The following LRRIQ1 variants were observed in gnomAD, a reference collection of about 807,000 sequenced individuals.
LRRIQ1 encodes leucine-rich repeat- and IQ domain-containing protein 1.
In LRRIQ1, 210 loss-of-function variants were observed where a neutral mutation model predicts 211.9. The ratio of observed to expected loss-of-function variants is 0.99; its 90% confidence interval spans 0.89 to 1.11. The LOEUF (loss-of-function observed/expected upper bound fraction) is 1.11, where lower values mean the gene tolerates loss of function less well. LRRIQ1 is among the 50% of genes most tolerant of loss of function. The pLI is 0.00. For synonymous variants in LRRIQ1, 699 were observed against 650.1 expected, an observed-to-expected ratio of 1.08 and a Z score of -1.14; for missense variants, 2,136 against 1,939.5, an observed-to-expected ratio of 1.10 and a Z score of -1.90.
chr12:85,245,867 T>G (rs2137281401), downstream of LRRIQ1, among the ~76,000 whole-genome samples: 1 of 150,966 alleles, frequency 6.6e-6, no homozygotes, highest in East Asian at 1.9e-4. Context: ...GGTATTATAG[T>G]TACATATATA....
intron 18 of LRRIQ1, among the ~76,000 whole-genome samples, chr12:85,136,192 A>ACG (rs1308755636): frequency 1.3e-5 from 2 of 151,298 alleles, no homozygotes; most frequent in African/African-American, 2.4e-5. Context: ...GTGGGTGTGC[A>ACG]CACACATACG....
chr12:85,052,148 A>G, intron 6 of LRRIQ1, 29 bp from the exon 7 acceptor site: 1 of 1,124,390 alleles, frequency 8.9e-7, no homozygotes, highest in Non-Finnish European at 1.3e-6. Context: ...ATTTGAGTAT[A>G]GTCATATTTA....
chr12:85,172,666 C>G (rs1222576346), intron 24 of LRRIQ1, among the ~76,000 whole-genome samples: 1 of 152,014 alleles, frequency 6.6e-6, no homozygotes, highest in Non-Finnish European at 1.5e-5. Context: ...AGCAATAGAA[C>G]TTTTTAGGCT....
At chr12:85,125,468 G>C (rs12296412) in intron 17 of LRRIQ1, among the ~76,000 whole-genome samples, 3 of 151,826 alleles carry the variant, frequency 2.0e-5, no homozygotes, top group Non-Finnish European at 4.4e-5. Flanking sequence ...TTTACTTTTG[G>C]CCTCAGAGTC....
intron 23 of LRRIQ1, among the ~76,000 whole-genome samples, chr12:85,154,915 A>T (rs1890459610): frequency 6.6e-6 from 1 of 151,238 alleles, no homozygotes; most frequent in Admixed American, 6.6e-5. Context: ...CTATAGATCT[A>T]GCTTATGTAA....
intron 26 of LRRIQ1, among the ~76,000 whole-genome samples, chr12:85,235,252 A>G (rs1565920303): frequency 6.6e-6 from 1 of 152,220 alleles, no homozygotes; most frequent in Non-Finnish European, 1.5e-5. Flanking sequence ...ACAATTTTAT[A>G]TTTAATTGAC....
intron 24 of LRRIQ1, among the ~76,000 whole-genome samples, chr12:85,187,480 G>A (rs1892276996): frequency 1.3e-5 from 2 of 152,032 alleles, no homozygotes. Flanking sequence ...AATATAGGAT[G>A]TAAATCAGCA....
chr12:85,052,528 A>G (rs961202337), intron 7 of LRRIQ1, among the ~76,000 whole-genome samples: 1 of 152,108 alleles, frequency 6.6e-6, no homozygotes, highest in South Asian at 2.1e-4. Flanking sequence ...ATATTTCTTT[A>G]TGTTCAAAGA....
At chr12:85,095,050 C>G (rs566585491) in intron 11 of LRRIQ1, among the ~76,000 whole-genome samples, 4 of 152,234 alleles carry the variant, frequency 2.6e-5, no homozygotes, top group African/African-American at 9.6e-5. Flanking sequence ...GATGTAGAAT[C>G]ACATCATCAG....
At chr12:85,092,813 T>G (rs535873582) in intron 11 of LRRIQ1, among the ~76,000 whole-genome samples, 2 of 152,304 alleles carry the variant, frequency 1.3e-5, no homozygotes, top group African/African-American at 4.8e-5. Context: ...ACGGCATCAT[T>G]CTTAGAGACT....
intron 17 of LRRIQ1, among the ~76,000 whole-genome samples, chr12:85,127,470 A>G (rs1888447290): frequency 6.6e-6 from 1 of 152,166 alleles, no homozygotes; most frequent in African/African-American, 2.4e-5. Flanking sequence ...CGCTCTTGCC[A>G]AGTAAACATT....
At chr12:85,127,774 C>T (rs1888466592) in intron 17 of LRRIQ1, 58 bp from the exon 18 acceptor site, 6 of 1,454,110 alleles carry the variant, frequency 4.1e-6, no homozygotes, top group South Asian at 3.7e-5. Context: ...CTTTTATCTA[C>T]AACTCTGTAT....
At chr12:85,161,706 T>C (rs1233201960) in intron 24 of LRRIQ1, among the ~76,000 whole-genome samples, 2 of 152,150 alleles carry the variant, frequency 1.3e-5, no homozygotes, top group Admixed American at 6.5e-5. Context: ...TACTGAAGTA[T>C]GTAGGGGTAG....
Position 85,057,061 on chromosome 12 carries a change from C to A in LRRIQ1, c.2268C>A (p.Phe756Leu). Residue 756 changes from phenylalanine to leucine, a missense_variant, in exon 8 of 27, where the codon TTC (phenylalanine) becomes TTA (leucine). Transcript: ENST00000393217. The stretch of plus-strand genomic sequence containing the variant: ...CATTTAAACCTTGGCTTGAAATTTT[C>A]AAGCAAAATCAACAAAAGAAAATTG... The part of the protein sequence containing the change: ...IKSFKPWLEI[F>L]KQNQQKKIVR... The A allele has an allele frequency of 2.5e-6, 4 of 1,608,654 alleles. No homozygotes were observed. The highest frequency in any genetic ancestry group is 3.3e-4 in the Middle Eastern group (2 of 6,040).
At chr12:85,093,494 C>T (rs999722095) in intron 11 of LRRIQ1, among the ~76,000 whole-genome samples, 2 of 152,170 alleles carry the variant, frequency 1.3e-5, no homozygotes, top group African/African-American at 4.8e-5. Context: ...CATGTCTTCT[C>T]TTATACAGAG....
At chr12:85,114,257 C>A (rs1887406777) in intron 15 of LRRIQ1, among the ~76,000 whole-genome samples, 1 of 151,316 alleles carries the variant, frequency 6.6e-6, no homozygotes, top group African/African-American at 2.4e-5. Flanking sequence ...ATTTTTTTTT[C>A]CTAGTAACTA....
chr12:85,090,011 C>T (rs1051817122), intron 11 of LRRIQ1, among the ~76,000 whole-genome samples: 1 of 152,228 alleles, frequency 6.6e-6, no homozygotes, highest in Non-Finnish European at 1.5e-5. Context: ...CCCCACTGCC[C>T]TGTGTGGCCA....
At chr12:85,206,462 G>A (rs1215698577) in intron 24 of LRRIQ1, among the ~76,000 whole-genome samples, 1 of 152,202 alleles carries the variant, frequency 6.6e-6, no homozygotes, top group African/African-American at 2.4e-5. Flanking sequence ...TGCAGTGGCA[G>A]TAAGGGGTGG....
intron 24 of LRRIQ1, among the ~76,000 whole-genome samples, chr12:85,197,917 A>T (rs1201639898): frequency 4.2e-5 from 5 of 120,374 alleles, no homozygotes; most frequent in Non-Finnish European, 8.2e-5. Flanking sequence ...ATATAATAAA[A>T]ATATATATAA....
Sources: gnomAD v4.1 joint callset for allele counts (sites outside exome capture counted in the v4.1 genomes callset) on GRCh38, gnomAD v4.1.1 for gene constraint, MANE v1.5 for transcripts, NCBI Gene and HGNC (gene_info 2026-07-23, HGNC 2026-07-21) for gene names.